NRXN3: variants seen among roughly 807,000 people sequenced by gnomAD.
NRXN3 encodes neurexin 3, also known as neurexin III.
Under a neutral mutation model 137.6 loss-of-function variants are expected in NRXN3, and 32 were observed. The ratio of observed to expected loss-of-function variants is 0.23; its 90% CI spans 0.18 to 0.31. NRXN3 has a LOEUF of 0.31. Among genes scored for constraint, NRXN3 ranks in the 10% least tolerant of loss-of-function variants. The probability of loss-of-function intolerance (pLI) is 1.00; values close to 1 mark genes in which losing one functional copy is unlikely to be tolerated. For synonymous variants in NRXN3, 798 were observed against 784.5 expected, an observed-to-expected ratio of 1.02 and a Z score of -0.29; for missense variants, 1,574 against 2,062.5, an observed-to-expected ratio of 0.76 and a Z score of 4.59.
At chr14:78,364,371 TAATGGAACTTGCTGTCCAAAGC>T (rs2085583796) in intron 4 of NRXN3, among the ~76,000 whole-genome samples, 1 of 152,092 alleles carries the variant, frequency 6.6e-6, no homozygotes, top group African/African-American at 2.4e-5. Context: ...ACTTCAAGAG[TAATGGAACTTGCTGTCCAAAGC>T]ACCTGCTGAA....
At chr14:78,441,002 A>C (rs1260134438) in intron 4 of NRXN3, among the ~76,000 whole-genome samples, 1 of 152,060 alleles carries the variant, frequency 6.6e-6, no homozygotes, top group East Asian at 1.9e-4. Flanking sequence ...GCGGCACTCC[A>C]TCCTTGGCAG....
At chr14:78,621,888 A>AT (rs148284686) in intron 4 of NRXN3, among the ~76,000 whole-genome samples, 7,642 of 152,242 alleles carry the variant, frequency 0.05, 259 homozygotes, top group Middle Eastern at 0.15. Flanking sequence ...TACCTTACTA[A>AT]TAGGTAGTAA....
chr14:79,818,090 G>T (rs1371962071), intron 20 of NRXN3, among the ~76,000 whole-genome samples: 1 of 119,576 alleles, frequency 8.4e-6, no homozygotes, highest in Non-Finnish European at 1.6e-5. Flanking sequence ...GAGTCTCGCT[G>T]TCACCCAGGC....
chr14:79,273,832 C>A (rs947502222), intron 15 of NRXN3, among the ~76,000 whole-genome samples: 1 of 151,886 alleles, frequency 6.6e-6, no homozygotes, highest in Non-Finnish European at 1.5e-5. Context: ...CATGATGGCT[C>A]ACACCTGTAA....
chr14:78,618,336 G>A (rs1027953661), intron 4 of NRXN3, among the ~76,000 whole-genome samples: 3 of 151,828 alleles, frequency 2.0e-5, no homozygotes, highest in African/African-American at 4.8e-5. Flanking sequence ...GTGGGCTAAG[G>A]TATGTATTTG....
rs141685482 is a variant in NRXN3, at chr14:79,121,330, G to A, written c.3262+133189G>A. On this transcript the variant is annotated intron_variant, in intron 15 of 20. Transcript: ENST00000335750. ...CATTGATGTGATATGAATCAAGAAA[G>A]CCATATGCTCTTTGCTGGTATAAAT... Among the ~76,000 whole-genome samples the A allele has an allele frequency of 4.2e-4, 64 of 152,268 alleles. No homozygotes were observed. In the East Asian group the frequency reaches 0.012, roughly 28 times the overall value.
At chr14:79,572,284 GTC>G (rs1484171792) in intron 16 of NRXN3, among the ~76,000 whole-genome samples, 1 of 152,050 alleles carries the variant, frequency 6.6e-6, no homozygotes, top group Non-Finnish European at 1.5e-5. Flanking sequence ...AGGACAGCTG[GTC>G]TCTCAATAAA....
chr14:79,592,484 A>C lies in NRXN3; in HGVS notation c.3445-71294A>C, dbSNP rs146742355. ...AATGAATTGGCCTAATTGTAGCCTC[A>C]GCACAACTACTAAGTTACACATTCA... On this transcript the variant is annotated intron_variant, in intron 16 of 20. Transcript: ENST00000335750. Among the ~76,000 whole-genome samples the C allele has an allele frequency of 2.7e-3, 404 of 152,282 alleles. 1 individual carries two copies. Among genetic ancestry groups the C allele is most frequent in the African/African-American group, 7.2e-3 (300 of 41,556 alleles).
chr14:79,495,944 T>A (rs2096761739), intron 16 of NRXN3, among the ~76,000 whole-genome samples: 1 of 148,600 alleles, frequency 6.7e-6, no homozygotes, highest in Non-Finnish European at 1.5e-5. Flanking sequence ...AGTAGTCAAG[T>A]GCTAAAAAAA....
chr14:79,040,139 G>A (rs1412624396), intron 15 of NRXN3, among the ~76,000 whole-genome samples: 1 of 152,080 alleles, frequency 6.6e-6, no homozygotes, highest in Non-Finnish European at 1.5e-5. Flanking sequence ...GTATTGTTTT[G>A]GATATTGGTT....
chr14:78,691,988 G>T (rs1400015992), intron 6 of NRXN3, among the ~76,000 whole-genome samples: 3 of 152,120 alleles, frequency 2.0e-5, no homozygotes, highest in Non-Finnish European at 2.9e-5. Context: ...TGCTATAGAA[G>T]TTCCCAGAAA....
At chr14:78,255,169 GA>G (rs35233538) in intron 2 of NRXN3, among the ~76,000 whole-genome samples, 33,916 of 86,012 alleles carry the variant, frequency 0.39, 3,929 homozygotes, top group Middle Eastern at 0.49. Flanking sequence ...CACAGCAGCA[GA>G]AAAAAAAAAA....
chr14:78,498,542 C>A (rs2095827250), intron 4 of NRXN3, among the ~76,000 whole-genome samples: 1 of 152,080 alleles, frequency 6.6e-6, no homozygotes, highest in Non-Finnish European at 1.5e-5. Context: ...TTAATATCAA[C>A]ACCTGGTTGG....
At chr14:78,378,344 G>A (rs2153627860) in intron 4 of NRXN3, among the ~76,000 whole-genome samples, 1 of 152,174 alleles carries the variant, frequency 6.6e-6, no homozygotes, top group South Asian at 2.1e-4. Flanking sequence ...AATTAGCCAG[G>A]CATGGTGGTG....
intron 8 of NRXN3, among the ~76,000 whole-genome samples, chr14:78,743,018 C>G (rs1436731779): frequency 6.6e-6 from 1 of 152,096 alleles, no homozygotes; most frequent in Non-Finnish European, 1.5e-5. Context: ...TTTATTGCCT[C>G]TATTATTGTC....
intron 16 of NRXN3, among the ~76,000 whole-genome samples, chr14:79,602,294 G>A (rs910447008): frequency 6.6e-6 from 1 of 152,164 alleles, no homozygotes; most frequent in African/African-American, 2.4e-5. Flanking sequence ...TAACAAGATT[G>A]TGCAGGCTAT....
At chr14:79,673,295 G>A (rs1456332152) in intron 17 of NRXN3, among the ~76,000 whole-genome samples, 4 of 152,056 alleles carry the variant, frequency 2.6e-5, no homozygotes, top group Non-Finnish European at 5.9e-5. Context: ...TACTTTTACA[G>A]CCTTTCAGTA....
chr14:78,839,987 C>A (rs768996214), intron 10 of NRXN3, among the ~76,000 whole-genome samples: 7 of 152,138 alleles, frequency 4.6e-5, no homozygotes, highest in Non-Finnish European at 8.8e-5. Context: ...TATTCTGGAG[C>A]ATTAATGCAA....
At chr14:79,484,296 C>T (rs1330811025) in intron 16 of NRXN3, among the ~76,000 whole-genome samples, 1 of 152,140 alleles carries the variant, frequency 6.6e-6, no homozygotes, top group Non-Finnish European at 1.5e-5. Flanking sequence ...CTACTGGATT[C>T]CAATCATTCC....
Sources: gnomAD v4.1 joint callset for allele counts (sites outside exome capture counted in the v4.1 genomes callset) on GRCh38, gnomAD v4.1.1 for gene constraint, MANE v1.5 for transcripts, NCBI Gene and HGNC (gene_info 2026-07-23, HGNC 2026-07-21) for gene names.